Variants in MYT1L observed in about 807,000 individuals in gnomAD.
MYT1L encodes the protein myelin transcription factor 1 like, also known as myelin transcription factor 1-like protein.
Under a neutral mutation model 126.7 loss-of-function variants are expected in MYT1L, and 12 were observed. The ratio of observed to expected loss-of-function variants is 0.09; its 90% CI spans 0.06 to 0.15. The LOEUF (loss-of-function observed/expected upper bound fraction) is 0.15. Among genes scored for constraint, MYT1L ranks in the 10% least tolerant of loss-of-function variants. The pLI, the probability that MYT1L is intolerant of heterozygous loss-of-function variation, is 1.00. For missense variants in MYT1L, 979 were observed against 1,585.2 expected (o/e 0.62, Z 6.49); for synonymous variants, 541 against 604.2 (o/e 0.90, Z 1.53).
intron 21 of MYT1L, among the ~76,000 whole-genome samples, chr2:1,830,009 G>A (rs114877566): frequency 0.015 from 2,246 of 152,326 alleles, 55 homozygotes; most frequent in East Asian, 0.079. Flanking sequence ...AGCGCCGAGC[G>A]AGGTGCCCCA....
At chr2:1,989,656 TA>T (rs1383572853) in intron 5 of MYT1L, among the ~76,000 whole-genome samples, 1 of 151,922 alleles carries the variant, frequency 6.6e-6, no homozygotes, top group African/African-American at 2.4e-5. Context: ...TTCCTACCTA[TA>T]GGGGGAAACA....
rs1253128456 is a variant in MYT1L, at chr2:1,979,257, G to A, written c.90-30C>T. 1 of 1,600,610 alleles carries A rather than the reference G, an allele frequency of 6.2e-7. No homozygotes were observed. The highest frequency in any genetic ancestry group is 8.6e-7 in the Non-Finnish European group (1 of 1,169,016). On this transcript the variant is annotated intron_variant, in intron 7 of 24. Coordinates refer to ENST00000647738, the MANE Select transcript of MYT1L (RefSeq NM_001303052.2). This position sits in a 1 kb window ranked among gnomAD's most constrained non-coding sequence, Gnocchi z 4.0. The stretch of plus-strand genomic sequence containing the variant: ...AACAGGAAAGAATGGATTACACGGT[G>A]CCGCAGGCAGGCAGGTGAGACGGAA...
At chr2:2,284,899 T>C (rs1463846749) in intron 1 of MYT1L, among the ~76,000 whole-genome samples, 1 of 152,092 alleles carries the variant, frequency 6.6e-6, no homozygotes, top group African/African-American at 2.4e-5. Flanking sequence ...AGATGGGGTT[T>C]CATCATGTGC....
At chr2:2,077,428 A>AT (rs1216972426) in intron 3 of MYT1L, among the ~76,000 whole-genome samples, 1 of 152,090 alleles carries the variant, frequency 6.6e-6, no homozygotes, top group Admixed American at 6.6e-5. Flanking sequence ...AAAGGCAAAA[A>AT]TTTTTTTTGA....
At chr2:2,117,463 C>A (rs1208778470) in intron 3 of MYT1L, among the ~76,000 whole-genome samples, 4 of 152,080 alleles carry the variant, frequency 2.6e-5, no homozygotes, top group Non-Finnish European at 5.9e-5. Context: ...AGCAGGCGGA[C>A]CGCCGTGTAG....
At chr2:1,804,714 A>G (rs1300401663) in intron 22 of MYT1L, among the ~76,000 whole-genome samples, 1 of 152,274 alleles carries the variant, frequency 6.6e-6, no homozygotes, top group African/African-American at 2.4e-5. Flanking sequence ...GGCTTGGTGG[A>G]ATTTCCATGC....
intron 3 of MYT1L, among the ~76,000 whole-genome samples, chr2:2,068,812 T>G (rs72767361): frequency 0.059 from 7,109 of 121,418 alleles, 286 homozygotes; most frequent in African/African-American, 0.085. Flanking sequence ...ATGTATAAGT[T>G]CAAGTATGTG....
At chr2:1,973,834 G>A (rs2059980572) in intron 8 of MYT1L, among the ~76,000 whole-genome samples, 1 of 152,182 alleles carries the variant, frequency 6.6e-6, no homozygotes, top group Non-Finnish European at 1.5e-5. Flanking sequence ...AGCAGATGCA[G>A]CTCCCCAGGC....
chr2:2,322,635 C>T (rs2096188621), intron 1 of MYT1L, among the ~76,000 whole-genome samples: 1 of 151,056 alleles, frequency 6.6e-6, no homozygotes, highest in Admixed American at 6.6e-5. Flanking sequence ...CCTTTGAAGG[C>T]AGCCAGGCAC....
chr2:1,888,359 C>A (rs1244096861), intron 16 of MYT1L, among the ~76,000 whole-genome samples: 1 of 152,204 alleles, frequency 6.6e-6, no homozygotes, highest in East Asian at 1.9e-4. Context: ...TAGCTTGCCA[C>A]TCTGATTTGG....
chr2:2,064,706 A>G (rs536226213), intron 3 of MYT1L, among the ~76,000 whole-genome samples: 11 of 152,354 alleles, frequency 7.2e-5, no homozygotes, highest in African/African-American at 2.6e-4. Context: ...AACATATAAC[A>G]TATCTAATAG....
intron 3 of MYT1L, among the ~76,000 whole-genome samples, chr2:2,065,299 A>T (rs543689028): frequency 2.0e-5 from 3 of 152,346 alleles, no homozygotes; most frequent in East Asian, 3.9e-4. Context: ...GATTAAAAAA[A>T]TTTTAAAATA....
intron 4 of MYT1L, among the ~76,000 whole-genome samples, chr2:2,009,524 GCTA>G (rs1441897339): frequency 2.6e-5 from 4 of 152,086 alleles, no homozygotes; most frequent in African/African-American, 9.7e-5. Flanking sequence ...CTATACAAAT[GCTA>G]CTGATTTTTG....
intron 1 of MYT1L, among the ~76,000 whole-genome samples, chr2:2,322,927 A>T (rs1324278856): frequency 6.6e-6 from 1 of 152,208 alleles, no homozygotes; most frequent in African/African-American, 2.4e-5. Context: ...TTAAATTTTT[A>T]AAAACTCAAT....
chr2:1,982,477 C>A (rs1255583780), intron 5 of MYT1L, among the ~76,000 whole-genome samples: 1 of 152,166 alleles, frequency 6.6e-6, no homozygotes, highest in Non-Finnish European at 1.5e-5. Context: ...GGATTCCATT[C>A]CATCATTCCA....
At chr2:2,107,999 C>A (rs934034062) in intron 3 of MYT1L, among the ~76,000 whole-genome samples, 1 of 152,112 alleles carries the variant, frequency 6.6e-6, no homozygotes, top group Non-Finnish European at 1.5e-5. Context: ...TCTAAGAAAT[C>A]GGGGCATATG....
At chr2:2,056,053 A>G (rs921763976) in intron 3 of MYT1L, among the ~76,000 whole-genome samples, 1 of 152,242 alleles carries the variant, frequency 6.6e-6, no homozygotes, top group African/African-American at 2.4e-5. Context: ...GTTTTTCATT[A>G]AAGTGATAAG....
chr2:1,995,267 A>G (rs2061740047), intron 5 of MYT1L, among the ~76,000 whole-genome samples: 1 of 152,174 alleles, frequency 6.6e-6, no homozygotes, highest in Admixed American at 6.5e-5. Flanking sequence ...AAGAACCCGG[A>G]AAATGCACAG....
chr2:2,248,172 A>T (rs558309221), intron 2 of MYT1L, among the ~76,000 whole-genome samples: 22 of 143,222 alleles, frequency 1.5e-4, no homozygotes, highest in African/African-American at 3.0e-4. Context: ...AAATAAATTT[A>T]AAAAAAAAGG....
Sources: gnomAD v4.1 joint callset for allele counts (sites outside exome capture counted in the v4.1 genomes callset) on GRCh38, gnomAD v4.1.1 for gene constraint, Gnocchi (gnomAD v3.1) non-coding constraint, MANE v1.5 for transcripts, NCBI Gene and HGNC (gene_info 2026-07-23, HGNC 2026-07-21) for gene names.